Variants in RGS14 observed in about 807,000 individuals in gnomAD.
RGS14 encodes the protein regulator of G protein signaling 14.
In RGS14, 33 loss-of-function variants were observed where a neutral mutation model predicts 63.8. The observed-to-expected ratio is 0.52, with a 90% CI of 0.39 to 0.69. The LOEUF (loss-of-function observed/expected upper bound fraction) is 0.69. Ranked by LOEUF, RGS14 falls within the 30% of genes least tolerant of loss-of-function variation. The probability of loss-of-function intolerance (pLI) is 0.00; values close to 1 mark genes in which losing one functional copy is unlikely to be tolerated. For missense variants in RGS14, 739 were observed against 742.9 expected (o/e 0.99, Z 0.06); for synonymous variants, 296 against 320.9 (o/e 0.92, Z 0.83).
At chr5:177,370,715 G>A in intron 10 of RGS14, 51 bp downstream of exon 10, 1 of 1,597,766 alleles carries the variant, frequency 6.3e-7, no homozygotes, top group South Asian at 1.1e-5. Flanking sequence ...GCTCCCTTCA[G>A]GCCCTGTTCT....
intron 1 of RGS14, among the ~76,000 whole-genome samples, chr5:177,363,045 G>T (rs1429533796): frequency 6.6e-6 from 1 of 152,140 alleles, no homozygotes; most frequent in Non-Finnish European, 1.5e-5. Flanking sequence ...GGGGATCTGG[G>T]GGAGGGCGAT....
rs756400280 is a variant in RGS14 at position 177,368,326 on chromosome 5, A to T, written c.849+60A>T. 426 of 1,508,088 alleles carry T rather than the reference A, an allele frequency of 2.8e-4. 2 individuals carry two copies. Among genetic ancestry groups the T allele is most frequent in the Non-Finnish European group, 3.5e-4 (386 of 1,117,790 alleles). 93.4% of individuals were successfully genotyped at this position (1,508,088 alleles called of 1,614,324 possible). ...TGGGCTAGAGTCACTACTCAGGCCC[A>T]TTTACGTGGTGGCCCTCATTCCAAG... On this transcript the variant is annotated intron_variant, in intron 8 of 14. Coordinates refer to ENST00000408923, the MANE Select transcript of RGS14 (RefSeq NM_006480.5).
Position 177,366,001 on chromosome 5 carries a change from G to A in RGS14, c.67+17G>A, listed in dbSNP as rs1229521126. On this transcript the variant is annotated intron_variant, in intron 2 of 14. Transcript: ENST00000408923. The stretch of plus-strand genomic sequence containing the variant: ...CAGATGGAGGTAAGTGACAGAATGT[G>A]TGGAGAACTGGCTGAGTGGGAGGGA... 6.2e-7 allele frequency: 1 copy of A among 1,613,684 alleles called. No individual in the cohort carries two copies. Among genetic ancestry groups the A allele is most frequent in the Non-Finnish European group, 8.5e-7 (1 of 1,179,532 alleles).
chr5:177,366,044 G>T (rs746101943), intron 2 of RGS14, 60 bp downstream of exon 2: 8 of 1,599,920 alleles, frequency 5.0e-6, no homozygotes, highest in Admixed American at 1.7e-5. Context: ...GGTGGAGATG[G>T]GTGGGGACAC....
In RGS14 at chr5:177,367,757, A is replaced by T; in HGVS notation, c.671A>T (p.Glu224Val). 1 of 1,613,206 alleles carries T rather than the reference A, an allele frequency of 6.2e-7. No homozygotes were observed. ...GGGAAGTCGCTGCCGCTGGGTGTGG[A>T]GGAGTTGGGGCAGCTGCCACCCGTT... ...KPGKSLPLGV[E>V]ELGQLPPVEG... The change falls in exon 7 of 15, where the codon GAG becomes GTG. Residue 224 changes from glutamate (E) to valine (V), a missense_variant. Physicochemically the swap from Glu to Val is moderately radical, Grantham distance 121. Coordinates refer to ENST00000408923, the MANE Select transcript of RGS14 (RefSeq NM_006480.5).
At chr5:177,361,764 G>T (rs1480699455) in intron 1 of RGS14, among the ~76,000 whole-genome samples, 3 of 152,134 alleles carry the variant, frequency 2.0e-5, no homozygotes, top group Non-Finnish European at 4.4e-5. Flanking sequence ...TCAGGTGCCA[G>T]CAGCTCCCCC....
At chr5:177,361,444 G>A (rs1016400769) in intron 1 of RGS14, among the ~76,000 whole-genome samples, 6 of 152,196 alleles carry the variant, frequency 3.9e-5, no homozygotes, top group African/African-American at 1.2e-4. Flanking sequence ...TTGCCCACCT[G>A]TGCCCCAAGG....
intron 1 of RGS14, among the ~76,000 whole-genome samples, chr5:177,365,306 C>T (rs546062934): frequency 6.6e-6 from 1 of 152,290 alleles, no homozygotes; most frequent in South Asian, 2.1e-4. Context: ...GATTCTCCTG[C>T]CTCAGCCTCC....
Position 177,371,304 on chromosome 5 carries a change from G to A in RGS14, c.1337-46G>A. 1.9e-6 allele frequency: 3 copies of A among 1,614,024 alleles called. No homozygotes were observed. The highest frequency in any genetic ancestry group is 2.5e-6 in the Non-Finnish European group (3 of 1,179,914). On this transcript the variant is annotated intron_variant, in intron 12 of 14. Transcript: ENST00000408923. This position sits in a 1 kb window ranked among gnomAD's most constrained non-coding sequence, Gnocchi z 6.1. The stretch of plus-strand genomic sequence containing the variant: ...AACAGCTGTGGCCCAGGAGGAAGGG[G>A]GTCCAGGTGGGAGGCAAACACTAAC...
Position 177,358,803 on chromosome 5 carries a change from C to T in RGS14, c.45+734C>T, listed in dbSNP as rs1422205099. Among the ~76,000 whole-genome samples the T allele has an allele frequency of 6.6e-6, 1 of 152,174 alleles. No homozygotes were observed. Among genetic ancestry groups the T allele is most frequent in the African/African-American group, 2.4e-5 (1 of 41,438 alleles). Reference sequence around the variant, plus strand: ...GGGCCTCCCTTCTCTCCCTAGGGTTCCCCCCTCACTTGGAAGAGTCCCTCT... The same window carrying T: ...GGGCCTCCCTTCTCTCCCTAGGGTTTCCCCCTCACTTGGAAGAGTCCCTCT... On this transcript the variant is annotated intron_variant, in intron 1 of 14. Transcript: ENST00000408923. This position sits in a 1 kb window ranked among gnomAD's most constrained non-coding sequence, Gnocchi z 4.8.
Position 177,366,792 on chromosome 5 carries a change from A to G in RGS14, c.331A>G (p.Thr111Ala). The part of the protein sequence containing the change: ...ERFQQIPASD[T>A]QQLAQEARNI... The stretch of plus-strand genomic sequence containing the variant: ...CTTCCAGCAGATCCCGGCCAGCGAT[A>G]CCCAGCAGGTGGGGGAAGGGGGAGC... Residue 111 changes from threonine (T) to alanine (A), a missense_variant, in exon 4 of 15, where the codon ACC (threonine) becomes GCC (alanine). Coordinates refer to ENST00000408923, the MANE Select transcript of RGS14 (RefSeq NM_006480.5). The G allele has an allele frequency of 6.2e-7, 1 of 1,613,916 alleles. No individual in the cohort carries two copies.
rs1270743778 is a variant in RGS14 at position 177,367,420 on chromosome 5, A to G, written c.490A>G (p.Asn164Asp). ...MFRAQQLQIF[N>D]LMKFDSYARF... ...TTCCGGGGTCGCCCCGCAGATCTTCAACTTGATGAAGTTCGACAGCTATGC... is the reference window on the plus strand; with the variant it reads ...TTCCGGGGTCGCCCCGCAGATCTTCGACTTGATGAAGTTCGACAGCTATGC... Residue 164 changes from asparagine to aspartate, a missense_variant, in exon 6 of 15, where the codon AAC becomes GAC. Physicochemically the swap from Asn to Asp is conservative, Grantham distance 23. Transcript: ENST00000408923. The G allele has an allele frequency of 6.2e-7, 1 of 1,605,322 alleles. No homozygotes were observed. Among genetic ancestry groups the G allele is most frequent in the Non-Finnish European group, 8.5e-7 (1 of 1,175,028 alleles).
rs1283590417 is a variant in RGS14, at chr5:177,366,741, G to A, written c.280G>A (p.Val94Met). 1.2e-6 allele frequency: 2 copies of A among 1,613,998 alleles called. No homozygotes were observed. Among genetic ancestry groups the A allele is most frequent in the African/African-American group, 1.3e-5 (1 of 74,874 alleles). ...FLKKEFSAEN[V>M]TFWKACERFQ... ...GAAGAAGGAGTTCAGCGCGGAAAAC[G>A]TGACTTTCTGGAAGGCCTGCGAGCG... The change falls in exon 4 of 15, where the codon GTG (valine) becomes ATG (methionine). Residue 94 changes from valine (V) to methionine (M), a missense_variant. Coordinates refer to ENST00000408923, the MANE Select transcript of RGS14 (RefSeq NM_006480.5).
intron 10 of RGS14, 30 bp from the exon 11 acceptor site, chr5:177,370,875 G>A (rs1227735507): frequency 6.3e-7 from 1 of 1,576,414 alleles, no homozygotes; most frequent in Non-Finnish European, 8.6e-7. Flanking sequence ...CCGGCCCTCC[G>A]GCCCTCTGCT....
At chr5:177,368,526 G>C (rs547351958) in intron 8 of RGS14, among the ~76,000 whole-genome samples, 191 bp from the exon 9 acceptor site, 1 of 152,242 alleles carries the variant, frequency 6.6e-6, no homozygotes, top group Non-Finnish European at 1.5e-5. Flanking sequence ...GGGAATCAGC[G>C]GGTGGACCCG....
rs918975240 is a variant in RGS14, at chr5:177,359,320, C to T, written c.45+1251C>T. On this transcript the variant is annotated intron_variant, in intron 1 of 14. Coordinates refer to ENST00000408923, the MANE Select transcript of RGS14 (RefSeq NM_006480.5). This position sits in a 1 kb window ranked among gnomAD's most constrained non-coding sequence, Gnocchi z 4.4. ...ACTGTCTGCAGTACCGACCCCACAA[C>T]GAAAGTGCAAAAAGAAAACCCACCT... 3.2e-4 allele frequency among the ~76,000 whole-genome samples: 49 copies of T among 152,176 alleles called. No homozygotes were observed. Among genetic ancestry groups the T allele is most frequent in the Admixed American group, 3.1e-3 (47 of 15,276 alleles).
chr5:177,371,774 G>A lies in RGS14; in HGVS notation c.1499-99G>A. ...GGGGCCGCAGGCCATTGGTGCTGGG[G>A]CCAGGGAGGCAGTGGCCACAGTAAG... is the stretch of plus-strand genomic sequence containing the variant. On this transcript the variant is annotated intron_variant, in intron 14 of 14. Transcript: ENST00000408923. This position sits in a 1 kb window ranked among gnomAD's most constrained non-coding sequence, Gnocchi z 6.1. The A allele has an allele frequency of 7.3e-7, 1 of 1,372,690 alleles. No homozygotes were observed. The highest frequency in any genetic ancestry group is 1.4e-5 in the African/African-American group (1 of 70,086). The allele number at this position is 1,372,690 out of a possible 1,614,324, so 85.0% of individuals were successfully genotyped here.
chr5:177,365,895 G>A (rs543303040), intron 1 of RGS14, 68 bp from the exon 2 acceptor site: 14 of 1,524,410 alleles, frequency 9.2e-6, no homozygotes, highest in South Asian at 6.7e-5. Context: ...CCTGGGAGTC[G>A]GGCCCAGAAC....
At position 177,362,092 on chromosome 5, in the gene RGS14, G is replaced by A. The variant is rs142496260; in HGVS notation, c.46-3871G>A. Among the ~76,000 whole-genome samples, 221 of 152,242 alleles carry A rather than the reference G, an allele frequency of 1.5e-3. 1 individual carries two copies. Among genetic ancestry groups the A allele is most frequent in the Non-Finnish European group, 2.7e-3 (182 of 68,014 alleles). ...GGGGCCTCATTCAAGCTTCACAGCA[G>A]CCTCAGGAAATTGGGAGTGCTGAGC... is the stretch of plus-strand genomic sequence containing the variant. On this transcript the variant is annotated intron_variant, in intron 1 of 14. Transcript: ENST00000408923.
Sources: gnomAD v4.1 joint callset for allele counts (sites outside exome capture counted in the v4.1 genomes callset) on GRCh38, gnomAD v4.1.1 for gene constraint, Gnocchi (gnomAD v3.1) non-coding constraint, MANE v1.5 for transcripts, NCBI Gene and HGNC (gene_info 2026-07-23, HGNC 2026-07-21) for gene names.